Variants in LTBR observed in about 807,000 individuals in gnomAD.
The protein encoded by LTBR is lymphotoxin beta receptor.
A neutral mutation model predicts 45.4 loss-of-function variants in LTBR; 15 were observed. The ratio of observed to expected loss-of-function variants is 0.33; its 90% CI spans 0.22 to 0.51. The LOEUF (loss-of-function observed/expected upper bound fraction) is 0.51, where lower values mean the gene tolerates loss of function less well. Among genes scored for constraint, LTBR ranks in the 20% least tolerant of loss-of-function variants. LTBR has a pLI of 0.97. For synonymous variants in LTBR, 228 were observed against 231.0 expected, an observed-to-expected ratio of 0.99 and a Z score of 0.12; for missense variants, 450 against 565.5, an observed-to-expected ratio of 0.80 and a Z score of 2.07.
chr12:6,377,073 T>G, intron 1 of LTBR: 1 of 550,390 alleles, frequency 1.8e-6, no homozygotes, highest in Non-Finnish European at 3.2e-6. Context: ...CCAGAGAAGG[T>G]GTCATCTCTG....
At position 6,390,734 on chromosome 12, in the gene LTBR, C is replaced by T; in HGVS notation, c.1105C>T (p.Leu369=). ...CATCTACATCTACAATGGACCAGTACTGGGGGGACCACCGGGTCCTGGAGA... is the reference window on the plus strand; with the variant it reads ...CATCTACATCTACAATGGACCAGTATTGGGGGGACCACCGGGTCCTGGAGA... ...GNIYIYNGPV[L]GGPPGPGDLP... Residue 369 remains leucine (L), a synonymous_variant, in exon 10 of 10, where the codon CTG becomes TTG. Transcript: ENST00000228918. 2 of 1,554,474 alleles carry T rather than the reference C, an allele frequency of 1.3e-6. No individual in the cohort carries two copies. The highest frequency in any genetic ancestry group is 1.3e-5 in the South Asian group (1 of 79,414).
Position 6,388,618 on chromosome 12 carries a change from A to G in LTBR, c.775+113A>G. The G allele has an allele frequency of 1.8e-6, 2 of 1,101,206 alleles. No homozygotes were observed. The highest frequency in any genetic ancestry group is 1.4e-6 in the Non-Finnish European group (1 of 727,912). The allele number at this position is 1,101,206 out of a possible 1,614,324, so 68.2% of individuals were successfully genotyped here. On this transcript the variant is annotated intron_variant, in intron 7 of 9. Coordinates refer to ENST00000228918, the MANE Select transcript of LTBR (RefSeq NM_002342.3). The surrounding 1 kb of genome is among the most constrained non-coding windows in gnomAD (Gnocchi z 4.3). ...TCAAGACTCCCAATGCCTACCCCCA[A>G]CATAGACATCCTTATCTTCATCCAG... is the stretch of plus-strand genomic sequence containing the variant.
Position 6,388,647 on chromosome 12 carries a change from C to A in LTBR, c.775+142C>A. ...AGACATCCTTATCTTCATCCAGCTG[C>A]TTATTCTGAGGCTGGAGATGAGAGT... is the stretch of plus-strand genomic sequence containing the variant. On this transcript the variant is annotated intron_variant, in intron 7 of 9. Coordinates refer to ENST00000228918, the MANE Select transcript of LTBR (RefSeq NM_002342.3). The surrounding 1 kb of genome is among the most constrained non-coding windows in gnomAD (Gnocchi z 4.3). The A allele has an allele frequency of 8.8e-7, 1 of 1,133,864 alleles. No homozygotes were observed. Among genetic ancestry groups the A allele is most frequent in the African/African-American group, 1.5e-5 (1 of 65,646 alleles). 70.2% of individuals were successfully genotyped at this position (1,133,864 alleles called of 1,614,324 possible).
chr12:6,384,793 C>A, intron 2 of LTBR, 109 bp downstream of exon 2: 1 of 1,160,962 alleles, frequency 8.6e-7, no homozygotes, highest in Non-Finnish European at 1.3e-6. Context: ...GGAAAACTGG[C>A]TGCTGGAGAC....
At position 6,385,320 on chromosome 12, in the gene LTBR, A is replaced by C; in HGVS notation, c.413A>C (p.Glu138Ala). ...PGMFCAAWALECTHCELLSDC... is the reference protein window; with the variant it reads ...PGMFCAAWALACTHCELLSDC... ...ATGTTCTGTGCTGCCTGGGCCCTCGAGTGTACACACTGCGAGCTACTTTCT... is the reference window on the plus strand; with the variant it reads ...ATGTTCTGTGCTGCCTGGGCCCTCGCGTGTACACACTGCGAGCTACTTTCT... Residue 138 changes from glutamate to alanine, a missense_variant, in exon 4 of 10, where the codon GAG (glutamate) becomes GCG (alanine). Around this residue, in one of 3 missense-constraint regions of LTBR, gnomAD observed 367 missense variants for 435.4 expected, o/e 0.84. Coordinates refer to ENST00000228918, the MANE Select transcript of LTBR (RefSeq NM_002342.3). 6.2e-7 allele frequency: 1 copy of C among 1,614,034 alleles called. No individual in the cohort carries two copies. Among genetic ancestry groups the C allele is most frequent in the Non-Finnish European group, 8.5e-7 (1 of 1,180,000 alleles).
At chr12:6,383,616 C>T (rs1200973979), upstream of LTBR, among the ~76,000 whole-genome samples, 2 of 152,180 alleles carry the variant, frequency 1.3e-5, no homozygotes, top group Non-Finnish European at 2.9e-5. Context: ...CCTAGGTGAC[C>T]TGTGCCCACT....
upstream of LTBR, chr12:6,383,978 C>A (rs773513496): frequency 1.8e-6 from 2 of 1,093,622 alleles, no homozygotes; most frequent in African/African-American, 1.6e-5. Context: ...TCCGCTCTCC[C>A]GATCGGGCTT....
chr12:6,384,566 T>G (rs373454530), intron 1 of LTBR, 22 bp from the exon 2 acceptor site: 7 of 1,612,232 alleles, frequency 4.3e-6, no homozygotes, highest in Non-Finnish European at 5.9e-6. Context: ...TCTTCTCTCC[T>G]CTTCTCCATC....
In LTBR at chr12:6,386,453, C is replaced by A; in HGVS notation, c.667+9C>A. The A allele has an allele frequency of 6.4e-7, 1 of 1,569,224 alleles. No individual in the cohort carries two copies. The highest frequency in any genetic ancestry group is 8.6e-7 in the Non-Finnish European group (1 of 1,160,052). On this transcript the variant is annotated intron_variant, in intron 6 of 9. Coordinates refer to ENST00000228918, the MANE Select transcript of LTBR (RefSeq NM_002342.3). This position sits in a 1 kb window ranked among gnomAD's most constrained non-coding sequence, Gnocchi z 4.1. ...GCCCCCAGAGATGTCAGGTGAGGGA[C>A]CAGGGCTGAGGGACACGGGGGGGGC... is the stretch of plus-strand genomic sequence containing the variant.
chr12:6,382,432 AAAG>A (rs1948993485), upstream of LTBR, among the ~76,000 whole-genome samples: 1 of 152,204 alleles, frequency 6.6e-6, no homozygotes, highest in Admixed American at 6.5e-5. Context: ...TAAAAAGTAA[AAAG>A]AAGAGAGAGA....
upstream of LTBR, chr12:6,384,098 C>T: frequency 1.6e-6 from 2 of 1,257,260 alleles, no homozygotes; most frequent in South Asian, 3.3e-5. Context: ...CCCTGGGCTG[C>T]GATTGCGACA....
At chr12:6,384,045 GC>G (rs1333319473), upstream of LTBR, 48 of 1,193,222 alleles carry the variant, frequency 4.0e-5, no homozygotes, top group Non-Finnish European at 4.8e-5. Context: ...TTTCCCGGCC[GC>G]CCCTCCCGCC....
chr12:6,376,741 C>T (rs1457631478), intron 1 of LTBR, among the ~76,000 whole-genome samples: 6 of 152,124 alleles, frequency 3.9e-5, no homozygotes, highest in Non-Finnish European at 5.9e-5. Context: ...ACAACCCAGG[C>T]CCTGCACGCG....
chr12:6,390,203 C>G lies in LTBR; in HGVS notation c.893C>G (p.Ser298Cys). Residue 298 changes from serine (S) to cysteine (C), a missense_variant, in exon 9 of 10, where the codon TCT becomes TGT. Ser to Cys is a moderately radical substitution (Grantham distance 112). Coordinates refer to ENST00000228918, the MANE Select transcript of LTBR (RefSeq NM_002342.3). ...PDLVQPLLPI[S>C]GDVSPVSTGL... ...TTGGTACAGCCACTGCTACCCATTT[C>G]TGGAGATGTTTCCCCAGTATCCACT... The G allele has an allele frequency of 6.2e-7, 1 of 1,614,130 alleles. No homozygotes were observed. Among genetic ancestry groups the G allele is most frequent in the Admixed American group, 1.7e-5 (1 of 60,016 alleles).
Position 6,384,211 on chromosome 12 carries a change from C to T in LTBR, c.-148C>T. ...TGGGAGCCCTGGAGGCCCGGCCTGG[C>T]CGCTCCCGGCCCTGGGGTGCACATC... On this transcript the variant is annotated 5_prime_UTR_variant, in exon 1 of 10. Transcript: ENST00000228918. The T allele has an allele frequency of 7.6e-7, 1 of 1,320,558 alleles. No individual in the cohort carries two copies. Among genetic ancestry groups the T allele is most frequent in the Non-Finnish European group, 9.6e-7 (1 of 1,040,110 alleles). The allele number at this position is 1,320,558 out of a possible 1,614,324, so 81.8% of individuals were successfully genotyped here.
At chr12:6,379,948 C>CAA (rs769215877), upstream of LTBR, among the ~76,000 whole-genome samples, 9 of 119,238 alleles carry the variant, frequency 7.5e-5, no homozygotes, top group East Asian at 7.9e-4. Flanking sequence ...AAAAAAAAAA[C>CAA]AAAAAAAAAA....
At chr12:6,378,265 C>T (rs1237822091) in intron 1 of LTBR, among the ~76,000 whole-genome samples, 2 of 152,020 alleles carry the variant, frequency 1.3e-5, no homozygotes, top group African/African-American at 2.4e-5. Context: ...AGGTATGTTT[C>T]TACAACTTCC....
Position 6,388,676 on chromosome 12 carries a change from A to C in LTBR, c.776-124A>C, listed in dbSNP as rs1949076424. ...TTCTGAGGCTGGAGATGAGAGTGAC[A>C]GTGGCTTGTTCCTCTGGGCCCCCGG... On this transcript the variant is annotated intron_variant, in intron 7 of 9. Coordinates refer to ENST00000228918, the MANE Select transcript of LTBR (RefSeq NM_002342.3). This position sits in a 1 kb window ranked among gnomAD's most constrained non-coding sequence, Gnocchi z 4.3. 1.6e-6 allele frequency: 2 copies of C among 1,229,186 alleles called. No homozygotes were observed. Among genetic ancestry groups the C allele is most frequent in the Admixed American group, 1.8e-5 (1 of 56,442 alleles). The allele number at this position is 1,229,186 out of a possible 1,614,324, so 76.1% of individuals were successfully genotyped here.
At chr12:6,375,488 C>T in exon 1 of LTBR, 1 of 1,535,626 alleles carries the variant, frequency 6.5e-7, no homozygotes, top group Non-Finnish European at 8.7e-7. Flanking sequence ...GGCAGCCAAA[C>T]CTCTCCTCCC....
Sources: gnomAD v4.1 joint callset for allele counts (sites outside exome capture counted in the v4.1 genomes callset) on GRCh38, gnomAD v4.1.1 for gene constraint, gnomAD v4.1.1 regional missense constraint, Gnocchi (gnomAD v3.1) non-coding constraint, MANE v1.5 for transcripts, NCBI Gene and HGNC (gene_info 2026-07-23, HGNC 2026-07-21) for gene names.